The following FXR1 variants were observed in gnomAD, a reference collection of about 807,000 sequenced individuals.
FXR1 encodes the protein FMR1 autosomal homolog 1, also known as RNA-binding protein FXR1.
A neutral mutation model predicts 84.0 loss-of-function variants in FXR1; 15 were observed. That is an observed-to-expected ratio of 0.18 (90% CI 0.12 to 0.27). The LOEUF (loss-of-function observed/expected upper bound fraction) is 0.27, where lower values mean the gene tolerates loss of function less well. Among genes scored for constraint, FXR1 ranks in the 10% least tolerant of loss-of-function variants. The pLI is 1.00. For missense variants in FXR1, 480 were observed against 774.4 expected (o/e 0.62, Z 4.51); for synonymous variants, 245 against 250.7 (o/e 0.98, Z 0.21).
intron 8 of FXR1, among the ~76,000 whole-genome samples, chr3:180,952,430 G>A (rs531286870): frequency 5.9e-5 from 9 of 152,142 alleles, no homozygotes; most frequent in Non-Finnish European, 8.8e-5. Context: ...GGTGGCTCAC[G>A]TCTGTAACCC....
intron 3 of FXR1, among the ~76,000 whole-genome samples, chr3:180,942,039 A>G (rs1559993390): frequency 6.6e-6 from 1 of 152,128 alleles, no homozygotes; most frequent in African/African-American, 2.4e-5. Flanking sequence ...GAAGACTGGT[A>G]AAAATTCTCT....
intron 1 of FXR1, among the ~76,000 whole-genome samples, chr3:180,921,659 C>A (rs1475726631): frequency 6.6e-6 from 1 of 151,348 alleles, no homozygotes; most frequent in East Asian, 1.9e-4. Flanking sequence ...ATTTGAGATC[C>A]CTAGAGATGG....
intron 3 of FXR1, among the ~76,000 whole-genome samples, chr3:180,944,593 C>CTGGGATTACAGGCA (rs928033718): frequency 6.6e-6 from 1 of 152,132 alleles, no homozygotes; most frequent in Non-Finnish European, 1.5e-5. Context: ...TCCAAAAGTG[C>CTGGGATTACAGGCA]TGGGATTACA....
chr3:180,961,423 T>G, intron 10 of FXR1, 45 bp from the exon 11 acceptor site: 2 of 985,796 alleles, frequency 2.0e-6, no homozygotes, highest in East Asian at 2.4e-5. Context: ...GCTAGAACTT[T>G]GTTAAAATAT....
At chr3:180,972,448 T>C (rs1033017511) in intron 15 of FXR1, among the ~76,000 whole-genome samples, 1 of 152,132 alleles carries the variant, frequency 6.6e-6, no homozygotes, top group African/African-American at 2.4e-5. Flanking sequence ...AGTGAGACCC[T>C]GTCTCAAAAA....
At chr3:180,937,177 ATT>A (rs1260891724) in intron 3 of FXR1, among the ~76,000 whole-genome samples, 5 of 152,046 alleles carry the variant, frequency 3.3e-5, no homozygotes, top group Admixed American at 2.6e-4. Context: ...TGTTTTTTGG[ATT>A]TTGAGTAAGC....
chr3:180,980,969 GT>G lies in FXR1; in HGVS notation c.*4684del, dbSNP rs1305512954. On this transcript the variant is annotated 3_prime_UTR_variant, in exon 17 of 17. Coordinates refer to ENST00000357559, the MANE Select transcript of FXR1 (RefSeq NM_005087.4). ...GTTTACATAAAATTTACAGGGTTTT[GT>G]TTTTTTAAGCTTAGTCTGTTCTTTG... 9.9e-5 allele frequency: 15 copies of G among 151,594 alleles called. No individual in the cohort carries two copies. The highest frequency in any genetic ancestry group is 2.6e-4 in the Admixed American group (4 of 15,212). 9.4% of individuals were successfully genotyped at this position (151,594 alleles called of 1,614,324 possible).
At chr3:180,913,294 T>A (rs1011412955) in intron 1 of FXR1, among the ~76,000 whole-genome samples, 1 of 152,134 alleles carries the variant, frequency 6.6e-6, no homozygotes, top group Non-Finnish European at 1.5e-5. Context: ...GGATTGAGGG[T>A]TAGGATCAAA....
At chr3:180,918,951 A>T (rs1319054692) in intron 1 of FXR1, among the ~76,000 whole-genome samples, 1 of 152,216 alleles carries the variant, frequency 6.6e-6, no homozygotes, top group African/African-American at 2.4e-5. Flanking sequence ...CAAGATTCAG[A>T]CTCTAAAGTT....
intron 3 of FXR1, among the ~76,000 whole-genome samples, chr3:180,943,123 T>G (rs1285837989): frequency 6.6e-6 from 1 of 151,816 alleles, no homozygotes; most frequent in African/African-American, 2.4e-5. Flanking sequence ...CTCGCCACCA[T>G]GCCCGGCTAA....
chr3:180,913,600 A>G (rs1313126290), intron 1 of FXR1, among the ~76,000 whole-genome samples: 4 of 152,114 alleles, frequency 2.6e-5, no homozygotes, highest in Non-Finnish European at 5.9e-5. Flanking sequence ...GGGGCTGAAA[A>G]ACGTAAGAGG....
intron 15 of FXR1, among the ~76,000 whole-genome samples, chr3:180,973,502 G>A (rs1301226994): frequency 6.6e-6 from 1 of 152,186 alleles, no homozygotes; most frequent in African/African-American, 2.4e-5. Context: ...TCACTATGCT[G>A]TTCCCCACAC....
chr3:180,948,229 A>G, intron 4 of FXR1, 118 bp from the exon 5 acceptor site: 1 of 707,876 alleles, frequency 1.4e-6, no homozygotes. Flanking sequence ...TGTGCTTAGT[A>G]TTTTATGCCA....
chr3:180,970,387 T>C (rs1037637060), intron 15 of FXR1, 29 bp downstream of exon 15: 7 of 93,882 alleles, frequency 7.5e-5, no homozygotes, highest in South Asian at 3.5e-4. Flanking sequence ...AAGAGAAATA[T>C]ATATATATAT....
intron 5 of FXR1, 92 bp from the exon 6 acceptor site, chr3:180,948,629 C>A: frequency 1.0e-6 from 1 of 958,484 alleles, no homozygotes; most frequent in Non-Finnish European, 1.6e-6. Flanking sequence ...TTTAGTGGGG[C>A]TTGTCAAAAT....
chr3:180,939,441 G>T (rs748161997), intron 3 of FXR1, among the ~76,000 whole-genome samples: 2 of 152,146 alleles, frequency 1.3e-5, no homozygotes, highest in African/African-American at 2.4e-5. Flanking sequence ...TTGTTTACTG[G>T]TTTATTATAA....
At position 180,964,410 on chromosome 3, in the gene FXR1, T is replaced by C. The variant is rs146230115; in HGVS notation, c.1198+1320T>C. Reference sequence around the variant, plus strand: ...TATTAGCTTTTGTGGGAAGTCGGCTTATTGATGAGAGCTTACTCTGGCAAA... The same window carrying C: ...TATTAGCTTTTGTGGGAAGTCGGCTCATTGATGAGAGCTTACTCTGGCAAA... On this transcript the variant is annotated intron_variant, in intron 13 of 16. Transcript: ENST00000357559. 2.4e-4 allele frequency among the ~76,000 whole-genome samples: 37 copies of C among 152,180 alleles called. No individual in the cohort carries two copies. In the East Asian group the frequency reaches 7.1e-3, roughly 29 times the overall value.
intron 9 of FXR1, among the ~76,000 whole-genome samples, chr3:180,956,976 T>A (rs1722802606): frequency 6.6e-6 from 1 of 152,240 alleles, no homozygotes; most frequent in African/African-American, 2.4e-5. Flanking sequence ...ACAAATATGC[T>A]GTCGCTGTTC....
chr3:180,937,097 C>T (rs778645507), intron 3 of FXR1, among the ~76,000 whole-genome samples: 1 of 152,112 alleles, frequency 6.6e-6, no homozygotes, highest in Admixed American at 6.5e-5. Flanking sequence ...AATATTGTAT[C>T]TCTAATAGTT....
Sources: allele counts gnomAD v4.1 joint callset (sites outside exome capture counted in the v4.1 genomes callset), GRCh38; gene constraint gnomAD v4.1.1; transcripts MANE v1.5; gene names NCBI Gene and HGNC (gene_info 2026-07-23, HGNC 2026-07-21).